The following RYR3 variants were observed in gnomAD, a reference collection of about 807,000 sequenced individuals.
The protein encoded by RYR3 is brain ryanodine receptor-calcium release channel.
Under a neutral mutation model 584.3 loss-of-function variants are expected in RYR3, and 207 were observed. That is an observed-to-expected ratio of 0.35 (90% CI 0.32 to 0.40). RYR3 has a LOEUF of 0.40. Ranked by LOEUF, RYR3 falls within the 10% of genes least tolerant of loss-of-function variation. The probability of loss-of-function intolerance (pLI) is 1.00; values close to 1 mark genes in which losing one functional copy is unlikely to be tolerated. For synonymous variants in RYR3, 2,416 were observed against 2,248.5 expected (o/e 1.07, Z -2.11); for missense variants, 5,616 against 6,089.2 (o/e 0.92, Z 2.59).
intron 76 of RYR3, among the ~76,000 whole-genome samples, chr15:33,819,052 G>A (rs1036770085): frequency 6.6e-6 from 1 of 151,474 alleles, no homozygotes; most frequent in Admixed American, 6.6e-5. Flanking sequence ...GAACCCGGGA[G>A]GCGGAGGTTG....
Position 33,412,296 on chromosome 15 carries a change from G to A in RYR3, c.52-61123G>A, listed in dbSNP as rs774597377. Among the ~76,000 whole-genome samples the A allele has an allele frequency of 2.6e-5, 4 of 151,994 alleles. No homozygotes were observed. Among genetic ancestry groups the A allele is most frequent in the Admixed American group, 6.6e-5 (1 of 15,258 alleles). Reference sequence around the variant, plus strand: ...GAAGGCCATGGGTTGTTCTTGGCACGGACTTGCCAGTGACCTCTTCCAAGT... The same window carrying A: ...GAAGGCCATGGGTTGTTCTTGGCACAGACTTGCCAGTGACCTCTTCCAAGT... On this transcript the variant is annotated intron_variant, in intron 1 of 103. Coordinates refer to ENST00000634891, the MANE Select transcript of RYR3 (RefSeq NM_001036.6). This position sits in a 1 kb window ranked among gnomAD's most constrained non-coding sequence, Gnocchi z 4.3.
intron 20 of RYR3, among the ~76,000 whole-genome samples, chr15:33,625,807 C>T (rs2060954627): frequency 6.6e-6 from 1 of 152,132 alleles, no homozygotes; most frequent in African/African-American, 2.4e-5. Flanking sequence ...TGATGCTGAC[C>T]TTTCTCTGGT....
At chr15:33,349,017 A>G (rs1315274902) in intron 1 of RYR3, among the ~76,000 whole-genome samples, 3 of 150,180 alleles carry the variant, frequency 2.0e-5, no homozygotes, top group African/African-American at 7.4e-5. Context: ...GGAATCATAC[A>G]GTAGGTAGCT....
chr15:33,751,668 A>C (rs1285752912), intron 57 of RYR3, among the ~76,000 whole-genome samples: 3 of 151,626 alleles, frequency 2.0e-5, no homozygotes, highest in African/African-American at 2.4e-5. Flanking sequence ...AATTTTCTCC[A>C]ATTCTGTAGG....
Position 33,841,665 on chromosome 15 carries a change from C to G in RYR3, c.13038-199C>G, listed in dbSNP as rs1388056850. On this transcript the variant is annotated intron_variant, in intron 90 of 103. Transcript: ENST00000634891. ...AAACTTGTATATAGCTGATGTTCAC[C>G]AAGATCATGGCTCATCCTCATTGAA... 2.2e-5 allele frequency: 12 copies of G among 536,084 alleles called. No homozygotes were observed. The East Asian group carries it at 3.6e-4, about 16-fold the overall frequency. 33.2% of individuals were successfully genotyped at this position (536,084 alleles called of 1,614,324 possible).
At chr15:33,841,278 CTATAG>C (rs1373528463) in intron 90 of RYR3, among the ~76,000 whole-genome samples, 1 of 152,108 alleles carries the variant, frequency 6.6e-6, no homozygotes, top group African/African-American at 2.4e-5. Context: ...TATTCTGTCG[CTATAG>C]TAAATAGAAA....
intron 38 of RYR3, among the ~76,000 whole-genome samples, chr15:33,679,878 T>A (rs960980391): frequency 1.4e-4 from 21 of 152,362 alleles, no homozygotes; most frequent in Admixed American, 5.2e-4. Flanking sequence ...GAATCCATTT[T>A]ATGGTTTATT....
chr15:33,780,005 C>T (rs779287750), intron 64 of RYR3, among the ~76,000 whole-genome samples: 4 of 151,530 alleles, frequency 2.6e-5, no homozygotes, highest in East Asian at 1.9e-4. Context: ...AGCAAGACTC[C>T]GTCTCAAAAA....
chr15:33,810,415 A>C, intron 70 of RYR3, 64 bp from the exon 71 acceptor site: 1 of 1,559,010 alleles, frequency 6.4e-7, no homozygotes, highest in South Asian at 1.2e-5. Context: ...TGCCTCTGAC[A>C]GGAGGCCGTT....
At chr15:33,641,623 T>A (rs2061829917) in intron 27 of RYR3, among the ~76,000 whole-genome samples, 1 of 152,178 alleles carries the variant, frequency 6.6e-6, no homozygotes, top group African/African-American at 2.4e-5. Flanking sequence ...TGAGAATTAA[T>A]CTTTCCTCTC....
chr15:33,803,351 A>C (rs1218726649), intron 69 of RYR3, among the ~76,000 whole-genome samples: 1 of 152,160 alleles, frequency 6.6e-6, no homozygotes, highest in Non-Finnish European at 1.5e-5. Context: ...AAACACATCT[A>C]CTGTCATATG....
chr15:33,820,173 G>T (rs73372024), intron 77 of RYR3, among the ~76,000 whole-genome samples: 1 of 152,162 alleles, frequency 6.6e-6, no homozygotes, highest in East Asian at 1.9e-4. Context: ...GAGAGCTCCC[G>T]GTGCTCTGGA....
chr15:33,587,626 C>A lies in RYR3; in HGVS notation c.1788+1510C>A, dbSNP rs555926897. ...AGAGTAGCCTTTAATCTTCTAGAAC[C>A]AAGACATTGTTAGAGAAATTCTGGT... On this transcript the variant is annotated intron_variant, in intron 16 of 103. Coordinates refer to ENST00000634891, the MANE Select transcript of RYR3 (RefSeq NM_001036.6). Among the ~76,000 whole-genome samples the A allele has an allele frequency of 1.7e-4, 26 of 152,204 alleles. No individual in the cohort carries two copies. The South Asian group carries it at 5.0e-3, about 29-fold the overall frequency.
chr15:33,761,027 A>C (rs1036482853), intron 60 of RYR3, among the ~76,000 whole-genome samples: 5 of 152,350 alleles, frequency 3.3e-5, no homozygotes, highest in African/African-American at 9.6e-5. Flanking sequence ...TTAAGGCAGA[A>C]ATGAATAAGT....
intron 67 of RYR3, among the ~76,000 whole-genome samples, chr15:33,792,500 C>T (rs2075223297): frequency 6.6e-6 from 1 of 152,172 alleles, no homozygotes; most frequent in African/African-American, 2.4e-5. Flanking sequence ...CTGTGCTGGA[C>T]AGGCTGTGTG....
rs559813324 is a variant in RYR3 at position 33,416,115 on chromosome 15, C to T, written c.52-57304C>T. On this transcript the variant is annotated intron_variant, in intron 1 of 103. Transcript: ENST00000634891. Reference sequence around the variant, plus strand: ...ATCTAATCCACCATTGATGGGCGCCCAGGCTGATTTTATGTCTTTGCTCTT... The same window carrying T: ...ATCTAATCCACCATTGATGGGCGCCTAGGCTGATTTTATGTCTTTGCTCTT... Among the ~76,000 whole-genome samples the T allele has an allele frequency of 1.1e-4, 16 of 152,226 alleles. No homozygotes were observed. In the South Asian group the frequency reaches 3.3e-3, roughly 32 times the overall value.
In RYR3 at chr15:33,854,753, C is replaced by G. The variant is rs202155048; in HGVS notation, c.13861-13C>G. ...GCAAACATGCTTAAAAGTCTGCTTT[C>G]TTCCATTCCCAGTCCTTTCTCTACC... On this transcript the variant is annotated splice_polypyrimidine_tract_variant and intron_variant, in intron 97 of 103. Transcript: ENST00000634891. 1.3e-6 allele frequency: 2 copies of G among 1,590,202 alleles called. No individual in the cohort carries two copies. Among genetic ancestry groups the G allele is most frequent in the South Asian group, 1.2e-5 (1 of 85,654 alleles).
intron 1 of RYR3, among the ~76,000 whole-genome samples, chr15:33,332,489 TAC>T (rs34299827): frequency 0.12 from 18,818 of 151,998 alleles, 1,424 homozygotes; most frequent in South Asian, 0.2. Context: ...AGTTATAGAA[TAC>T]ATACTATTTT....
At chr15:33,439,891 A>G (rs2046071360) in intron 1 of RYR3, among the ~76,000 whole-genome samples, 2 of 149,078 alleles carry the variant, frequency 1.3e-5, no homozygotes, top group African/African-American at 5.2e-5. Context: ...GTTCTTATGG[A>G]AAAAAGTGCC....
Sources: allele counts gnomAD v4.1 joint callset (sites outside exome capture counted in the v4.1 genomes callset), GRCh38; gene constraint gnomAD v4.1.1; non-coding constraint Gnocchi (gnomAD v3.1); transcripts MANE v1.5; gene names NCBI Gene and HGNC (gene_info 2026-07-23, HGNC 2026-07-21).